The following ZRANB3 variants were observed in gnomAD, a reference collection of about 807,000 sequenced individuals.
The protein encoded by ZRANB3 is DNA annealing helicase and endonuclease ZRANB3.
A neutral mutation model predicts 133.8 loss-of-function variants in ZRANB3; 125 were observed. The ratio of observed to expected loss-of-function variants is 0.93; its 90% CI spans 0.81 to 1.08. The LOEUF (loss-of-function observed/expected upper bound fraction) is 1.08. Ranked by LOEUF, ZRANB3 falls within the 50% of genes least tolerant of loss-of-function variation. The pLI is 0.00. For missense variants in ZRANB3, 1,229 were observed against 1,275.5 expected, an observed-to-expected ratio of 0.96 and a Z score of 0.56; for synonymous variants, 387 against 432.7, an observed-to-expected ratio of 0.89 and a Z score of 1.31.
rs1693442433 is a variant in ZRANB3, at chr2:135,197,152, T to C, written c.*3190A>G. 1 of 152,188 alleles carries C rather than the reference T, an allele frequency of 6.6e-6. No homozygotes were observed. The highest frequency in any genetic ancestry group is 1.5e-5 in the Non-Finnish European group (1 of 68,032). The allele number at this position is 152,188 out of a possible 1,614,324, so 9.4% of individuals were successfully genotyped here. On this transcript the variant is annotated 3_prime_UTR_variant, in exon 21 of 21. Coordinates refer to ENST00000264159, the MANE Select transcript of ZRANB3 (RefSeq NM_032143.4). Reference sequence around the variant, plus strand: ...TGCAGTGACTAGGAGCCCACAATTTTCCAGTTCAAAAGAACAAATGGTGGA... The same window carrying C: ...TGCAGTGACTAGGAGCCCACAATTTCCCAGTTCAAAAGAACAAATGGTGGA...
chr2:135,425,969 G>A (rs928188524), intron 2 of ZRANB3, among the ~76,000 whole-genome samples: 12 of 151,950 alleles, frequency 7.9e-5, no homozygotes, highest in African/African-American at 2.7e-4. Context: ...GAAAAAAAGA[G>A]AAGATCCAAA....
In ZRANB3 at chr2:135,208,049, C is replaced by A. The variant is rs373612880; in HGVS notation, c.2607-213G>T. 9.3e-4 allele frequency among the ~76,000 whole-genome samples: 142 copies of A among 152,198 alleles called. 4 individuals carry two copies. The South Asian group carries it at 0.027, about 29-fold the overall frequency. On this transcript the variant is annotated intron_variant, in intron 18 of 20. Transcript: ENST00000264159. Reference sequence around the variant, plus strand: ...AAATTAATTGAATATAAATATGTTGCCTCTCTTGGGAATTAACACAAGGGG... The same window carrying A: ...AAATTAATTGAATATAAATATGTTGACTCTCTTGGGAATTAACACAAGGGG...
At chr2:135,210,944 G>A (rs1005069900) in intron 17 of ZRANB3, among the ~76,000 whole-genome samples, 24 of 151,936 alleles carry the variant, frequency 1.6e-4, no homozygotes, top group Admixed American at 9.2e-4. Context: ...CAGGAGAACC[G>A]CTTGAACCAG....
At chr2:135,394,239 T>C (rs1400976283) in intron 2 of ZRANB3, among the ~76,000 whole-genome samples, 4 of 152,060 alleles carry the variant, frequency 2.6e-5, no homozygotes, top group Admixed American at 6.6e-5. Context: ...CTATTCAAGA[T>C]TACCAAAATT....
chr2:135,444,753 G>T (rs541665341), intron 2 of ZRANB3, among the ~76,000 whole-genome samples: 1 of 152,256 alleles, frequency 6.6e-6, no homozygotes, highest in South Asian at 2.1e-4. Flanking sequence ...TGATCAAACT[G>T]TGTATAGTTT....
chr2:135,456,055 T>C (rs1167563300), intron 2 of ZRANB3, among the ~76,000 whole-genome samples: 1 of 152,252 alleles, frequency 6.6e-6, no homozygotes, highest in African/African-American at 2.4e-5. Context: ...CCTGTCATGA[T>C]ACTGGCTTTG....
intron 3 of ZRANB3, among the ~76,000 whole-genome samples, chr2:135,368,092 A>G (rs1199753732): frequency 1.3e-5 from 2 of 152,106 alleles, no homozygotes; most frequent in Admixed American, 6.5e-5. Context: ...AAGAAATGAG[A>G]TGTCAAAACT....
At chr2:135,269,647 T>C (rs1680416849) in intron 10 of ZRANB3, among the ~76,000 whole-genome samples, 1 of 152,232 alleles carries the variant, frequency 6.6e-6, no homozygotes, top group Non-Finnish European at 1.5e-5. Context: ...TGTCTCAATA[T>C]ATACAATGCA....
intron 6 of ZRANB3, among the ~76,000 whole-genome samples, chr2:135,320,199 C>T: frequency 6.6e-6 from 1 of 152,000 alleles, no homozygotes; most frequent in East Asian, 1.9e-4. Context: ...TGCCACCAGG[C>T]CGAGCTAAAA....
chr2:135,372,864 C>T lies in ZRANB3; in HGVS notation c.180+17938G>A, dbSNP rs545077483. On this transcript the variant is annotated intron_variant, in intron 3 of 20. Coordinates refer to ENST00000264159, the MANE Select transcript of ZRANB3 (RefSeq NM_032143.4). ...ACTTTGGGAGGCCAAGGCAGGATTG[C>T]TTAGGCTAGGAGTTTGAGACCAGCC... Among the ~76,000 whole-genome samples the T allele has an allele frequency of 4.0e-5, 6 of 149,890 alleles. 1 individual carries two copies. In the South Asian group the frequency reaches 1.3e-3, roughly 32 times the overall value.
intron 2 of ZRANB3, among the ~76,000 whole-genome samples, chr2:135,482,911 G>C (rs1691898916): frequency 6.6e-6 from 1 of 151,630 alleles, no homozygotes; most frequent in South Asian, 2.1e-4. Flanking sequence ...TTATATGCTG[G>C]ATTACATTTA....
chr2:135,305,362 C>G (rs1160305537), intron 8 of ZRANB3, among the ~76,000 whole-genome samples: 1 of 152,210 alleles, frequency 6.6e-6, no homozygotes, highest in African/African-American at 2.4e-5. Flanking sequence ...CATCTCTTTG[C>G]TTTCAGTCTA....
intron 8 of ZRANB3, among the ~76,000 whole-genome samples, chr2:135,286,469 G>T (rs748816805): frequency 1.3e-5 from 2 of 152,068 alleles, no homozygotes; most frequent in Admixed American, 6.5e-5. Flanking sequence ...GTAGTGACGG[G>T]GTTTCACCAT....
At chr2:135,486,384 C>G (rs1411694524) in intron 2 of ZRANB3, among the ~76,000 whole-genome samples, 1 of 152,216 alleles carries the variant, frequency 6.6e-6, no homozygotes, top group Admixed American at 6.5e-5. Flanking sequence ...CTTTGCTCAT[C>G]CATAAGAAGC....
At chr2:135,255,478 A>ACTCTG (rs1242020196) in intron 12 of ZRANB3, among the ~76,000 whole-genome samples, 1 of 151,832 alleles carries the variant, frequency 6.6e-6, no homozygotes, top group African/African-American at 2.4e-5. Flanking sequence ...AAACTCACCC[A>ACTCTG]CTCTGCTCTG....
At chr2:135,371,449 T>A (rs886206038) in intron 3 of ZRANB3, among the ~76,000 whole-genome samples, 2 of 152,212 alleles carry the variant, frequency 1.3e-5, no homozygotes, top group Non-Finnish European at 2.9e-5. Context: ...TATCTGGGTA[T>A]GGTTTAACTC....
intron 18 of ZRANB3, 135 bp from the exon 19 acceptor site, chr2:135,207,971 T>C: frequency 1.1e-6 from 1 of 873,660 alleles, no homozygotes; most frequent in Non-Finnish European, 1.7e-6. Context: ...ATAAAATAGT[T>C]ACAGTCAGCA....
chr2:135,410,139 T>C (rs1390251574), intron 2 of ZRANB3, among the ~76,000 whole-genome samples: 1 of 152,106 alleles, frequency 6.6e-6, no homozygotes, highest in Non-Finnish European at 1.5e-5. Context: ...AAAAGTATTT[T>C]AAAATTCATA....
At chr2:135,471,602 T>C (rs963532631) in intron 2 of ZRANB3, among the ~76,000 whole-genome samples, 4 of 152,172 alleles carry the variant, frequency 2.6e-5, no homozygotes, top group African/African-American at 9.7e-5. Flanking sequence ...ATTTTGTATG[T>C]AAAGAAAGGT....
Sources: allele counts gnomAD v4.1 joint callset (sites outside exome capture counted in the v4.1 genomes callset), GRCh38; gene constraint gnomAD v4.1.1; transcripts MANE v1.5; gene names NCBI Gene and HGNC (gene_info 2026-07-23, HGNC 2026-07-21).